The following CALN1 variants were observed in gnomAD, a reference collection of about 807,000 sequenced individuals.
The protein encoded by CALN1 is calneuron 1, also known as calcium-binding protein 8.
CALN1 carries 17 observed loss-of-function variants against 30.6 expected under a neutral mutation model. The observed-to-expected ratio is 0.56, with a 90% CI of 0.38 to 0.83. The LOEUF is 0.83. Among genes scored for constraint, CALN1 ranks in the 40% least tolerant of loss-of-function variants. The probability of loss-of-function intolerance (pLI) is 0.00; values close to 1 mark genes in which losing one functional copy is unlikely to be tolerated. For synonymous variants in CALN1, 156 were observed against 131.4 expected (o/e 1.19, Z -1.28); for missense variants, 291 against 354.9 (o/e 0.82, Z 1.45).
chr7:72,092,644 AAAAAAAG>A (rs900948331), intron 4 of CALN1, among the ~76,000 whole-genome samples: 1 of 150,990 alleles, frequency 6.6e-6, no homozygotes, highest in African/African-American at 2.4e-5. Flanking sequence ...AAAAAAAAAA[AAAAAAAG>A]GAGAAGCCTA....
At chr7:72,458,839 T>A in the CALN1 span, among the ~76,000 whole-genome samples, 1 of 136,606 alleles carries the variant, frequency 7.3e-6, no homozygotes, top group Non-Finnish European at 1.5e-5. Context: ...TAATATTTAA[T>A]ATATTATATA....
chr7:72,307,621 A>G lies in CALN1; in HGVS notation c.120-28811T>C, dbSNP rs1799740900. ...CAATGCGACTGCCTGAGAGCTACGC[A>G]TATTCAAAGACAGCAGAGTAGGGAC... On this transcript the variant is annotated intron_variant, in intron 2 of 6. Coordinates refer to ENST00000395275, the MANE Select transcript of CALN1 (RefSeq NM_031468.4). Among the ~76,000 whole-genome samples, 3 of 152,216 alleles carry G rather than the reference A, an allele frequency of 2.0e-5. No individual in the cohort carries two copies. The South Asian group carries it at 6.2e-4, about 32-fold the overall frequency.
the CALN1 span, among the ~76,000 whole-genome samples, chr7:72,485,282 G>T: frequency 6.6e-6 from 1 of 152,238 alleles, no homozygotes; most frequent in African/African-American, 2.4e-5. Flanking sequence ...TACTGTGCCG[G>T]GGATGGTGGC....
chr7:72,452,346 C>A, the CALN1 span, among the ~76,000 whole-genome samples: 3 of 152,014 alleles, frequency 2.0e-5, no homozygotes, highest in Non-Finnish European at 2.9e-5. Context: ...AGAGGTGGGG[C>A]CTGGAGTAAG....
At chr7:72,140,118 A>C (rs1295353304) in intron 3 of CALN1, among the ~76,000 whole-genome samples, 1 of 151,912 alleles carries the variant, frequency 6.6e-6, no homozygotes, top group Non-Finnish European at 1.5e-5. Context: ...AATAAATTTA[A>C]AAATTAGCTG....
chr7:72,297,670 C>T (rs1798961396), intron 2 of CALN1, among the ~76,000 whole-genome samples: 2 of 152,136 alleles, frequency 1.3e-5, no homozygotes, highest in African/African-American at 4.8e-5. Flanking sequence ...ACTTTATTTT[C>T]ATGTCTGCCA....
At chr7:72,081,023 C>T (rs548805360) in intron 4 of CALN1, among the ~76,000 whole-genome samples, 7 of 152,032 alleles carry the variant, frequency 4.6e-5, no homozygotes, top group Admixed American at 3.3e-4. Context: ...GAGAACTTTC[C>T]GAGGGATAGC....
In CALN1 at chr7:71,907,351, T is replaced by C. The variant is rs143030829; in HGVS notation, c.502-96859A>G. On this transcript the variant is annotated intron_variant, in intron 5 of 6. Transcript: ENST00000395275. The stretch of plus-strand genomic sequence containing the variant: ...TCCCTGTGAAGTCAATATTACAGAT[T>C]CCTGGGCTGCAAACCAGAAGGACAA... Among the ~76,000 whole-genome samples the C allele has an allele frequency of 6.9e-3, 1,055 of 152,134 alleles. 17 individuals are homozygous for C. The highest frequency in any genetic ancestry group is 0.025 in the African/African-American group (1,021 of 41,488).
intron 3 of CALN1, among the ~76,000 whole-genome samples, chr7:72,273,798 C>G (rs899689369): frequency 1.3e-5 from 2 of 152,004 alleles, no homozygotes; most frequent in Admixed American, 1.3e-4. Flanking sequence ...TAGGCATGAG[C>G]CACTGTGCCT....
At chr7:71,952,788 C>A (rs576849633) in intron 5 of CALN1, among the ~76,000 whole-genome samples, 59 of 152,122 alleles carry the variant, frequency 3.9e-4, no homozygotes, top group Non-Finnish European at 6.8e-4. Flanking sequence ...GTCGGCTCGG[C>A]CCCTGTAGGA....
At chr7:72,099,749 A>G (rs1001824380) in intron 4 of CALN1, among the ~76,000 whole-genome samples, 4 of 152,174 alleles carry the variant, frequency 2.6e-5, no homozygotes, top group African/African-American at 9.7e-5. Flanking sequence ...CAACAAAACA[A>G]AACTTCAAGG....
At chr7:72,339,927 G>C (rs1420740982) in intron 2 of CALN1, among the ~76,000 whole-genome samples, 2 of 152,194 alleles carry the variant, frequency 1.3e-5, no homozygotes, top group Non-Finnish European at 2.9e-5. Context: ...GATGAGATTT[G>C]GGTGGGGACA....
At chr7:72,500,426 A>C in the CALN1 span, among the ~76,000 whole-genome samples, 3 of 151,050 alleles carry the variant, frequency 2.0e-5, no homozygotes, top group Non-Finnish European at 4.4e-5. Flanking sequence ...GACTGTAGGC[A>C]TGCACCACCA....
intron 4 of CALN1, among the ~76,000 whole-genome samples, chr7:72,079,404 G>T (rs534924631): frequency 6.6e-6 from 1 of 152,244 alleles, no homozygotes; most frequent in African/African-American, 2.4e-5. Context: ...AGGTCTTCCT[G>T]ACCTGCTTGC....
intron 3 of CALN1, among the ~76,000 whole-genome samples, chr7:72,174,851 T>C (rs1326513986): frequency 2.0e-5 from 3 of 152,150 alleles, no homozygotes; most frequent in African/African-American, 7.2e-5. Context: ...GGTATATGCT[T>C]AGTCAAAATT....
At chr7:72,442,481 T>A (rs183325804) in intron 1 of CALN1, among the ~76,000 whole-genome samples, 1 of 152,374 alleles carries the variant, frequency 6.6e-6, no homozygotes, top group African/African-American at 2.4e-5. Flanking sequence ...TTATTTAGGA[T>A]TGCACTTTAT....
chr7:72,307,915 ACAACCTAACC>A (rs1454348901), intron 2 of CALN1, among the ~76,000 whole-genome samples: 1 of 151,830 alleles, frequency 6.6e-6, no homozygotes, highest in Non-Finnish European at 1.5e-5. Context: ...AAAAATGAAC[ACAACCTAACC>A]CAAGAGGGTG....
chr7:71,864,409 T>C (rs1356419762), intron 5 of CALN1, among the ~76,000 whole-genome samples: 2 of 152,136 alleles, frequency 1.3e-5, no homozygotes, highest in Non-Finnish European at 2.9e-5. Context: ...ACAGCAAGGA[T>C]TCATGGGCAG....
chr7:72,491,374 G>T, the CALN1 span, among the ~76,000 whole-genome samples: 4 of 152,232 alleles, frequency 2.6e-5, no homozygotes, highest in Non-Finnish European at 5.9e-5. Context: ...TTCAAGAGCA[G>T]CCTGGGCAAC....
Sources: gnomAD v4.1 joint callset for allele counts (sites outside exome capture counted in the v4.1 genomes callset) on GRCh38, gnomAD v4.1.1 for gene constraint, MANE v1.5 for transcripts, NCBI Gene and HGNC (gene_info 2026-07-23, HGNC 2026-07-21) for gene names.